Variants in ZNF536 observed in about 807,000 individuals in gnomAD.
The protein encoded by ZNF536 is zinc finger protein 536.
In ZNF536, 13 loss-of-function variants were observed where a neutral mutation model predicts 84.5. The ratio of observed to expected loss-of-function variants is 0.15; its 90% CI spans 0.10 to 0.24. The LOEUF (loss-of-function observed/expected upper bound fraction) is 0.24. Ranked by LOEUF, ZNF536 falls within the 10% of genes least tolerant of loss-of-function variation. The pLI, the probability that ZNF536 is intolerant of heterozygous loss-of-function variation, is 1.00. For synonymous variants in ZNF536, 811 were observed against 742.5 expected (o/e 1.09, Z -1.50); for missense variants, 1,536 against 1,747.5 (o/e 0.88, Z 2.16).
At chr19:30,696,520 G>T (rs1389673860) in intron 1 of ZNF536, among the ~76,000 whole-genome samples, 2 of 152,206 alleles carry the variant, frequency 1.3e-5, no homozygotes, top group African/African-American at 4.8e-5. Context: ...ATGATTTAAG[G>T]TCCCCGATCA....
In ZNF536 at chr19:30,295,117, G is replaced by A. The variant is rs147088013; in HGVS notation, c.-120+10976G>A. 6.6e-5 allele frequency among the ~76,000 whole-genome samples: 10 copies of A among 152,282 alleles called. No individual in the cohort carries two copies. In the East Asian group the frequency reaches 1.9e-3, roughly 29 times the overall value. On this transcript the variant is annotated intron_variant, in intron 2 of 5. Coordinates refer to the ZNF536 transcript ENST00000585628. ...TGCAGATTCTGATTCAGCACATCTA[G>A]GGGAATGAGATTCTGCATACTTAAC...
chr19:30,548,478 T>C lies in ZNF536; in HGVS notation c.2859T>C (p.Asp953=). The C allele has an allele frequency of 6.2e-7, 1 of 1,614,102 alleles. No homozygotes were observed. Among genetic ancestry groups the C allele is most frequent in the Non-Finnish European group, 8.5e-7 (1 of 1,180,014 alleles). ...DPPSMKVHGV[D]GGEEKPSGKS... is the part of the protein sequence containing the mutation. ...CTTCCATGAAAGTCCACGGAGTGGA[T>C]GGTGGTGAGGAGAAACCCAGTGGCA... is the stretch of plus-strand genomic sequence containing the variant. Residue 953 remains aspartate (D), a synonymous_variant, in exon 4 of 5, where the codon GAT becomes GAC. Transcript: ENST00000355537.
intron 2 of ZNF536, among the ~76,000 whole-genome samples, chr19:30,522,114 G>T (rs1304861198): frequency 1.3e-5 from 2 of 151,422 alleles, no homozygotes; most frequent in Non-Finnish European, 2.9e-5. Flanking sequence ...AATGGACAGT[G>T]GAGTGGCCTC....
intron 1 of ZNF536, among the ~76,000 whole-genome samples, chr19:30,413,187 G>A (rs1326277705): frequency 1.3e-5 from 2 of 151,924 alleles, no homozygotes; most frequent in African/African-American, 2.4e-5. Flanking sequence ...GAGCCTTTTG[G>A]GGGAAAGGGT....
At chr19:30,671,062 C>G (rs1000268719) in intron 1 of ZNF536, among the ~76,000 whole-genome samples, 1 of 152,168 alleles carries the variant, frequency 6.6e-6, no homozygotes, top group African/African-American at 2.4e-5. Flanking sequence ...ACTCAATGCA[C>G]GCACGTGCTT....
intron 1 of ZNF536, among the ~76,000 whole-genome samples, chr19:30,621,073 C>T (rs1265687373): frequency 7.9e-5 from 12 of 151,978 alleles, no homozygotes; most frequent in African/African-American, 1.9e-4. Context: ...TAGTCTTCTG[C>T]GGTGACATTT....
intron 1 of ZNF536, among the ~76,000 whole-genome samples, chr19:30,440,929 AGATAGATAGATT>A (rs769718656): frequency 1.7e-5 from 2 of 118,618 alleles, no homozygotes; most frequent in African/African-American, 6.8e-5. Flanking sequence ...ATAGATAGAT[AGATAGATAGATT>A]TGAAAAAAAT....
intron 1 of ZNF536, among the ~76,000 whole-genome samples, chr19:30,697,082 A>C (rs1055911246): frequency 6.6e-6 from 1 of 152,158 alleles, no homozygotes; most frequent in African/African-American, 2.4e-5. Flanking sequence ...GGAAACTTAC[A>C]GTCATGGCGT....
At chr19:30,589,153 C>G (rs961798227) in intron 1 of ZNF536, among the ~76,000 whole-genome samples, 5 of 152,182 alleles carry the variant, frequency 3.3e-5, no homozygotes, top group Non-Finnish European at 7.4e-5. Flanking sequence ...AACCCTAGGG[C>G]CATGCTTGGG....
At chr19:30,249,393 G>C (rs1293036117) in intron 1 of ZNF536, among the ~76,000 whole-genome samples, 1 of 151,796 alleles carries the variant, frequency 6.6e-6, no homozygotes, top group Admixed American at 6.6e-5. Flanking sequence ...AGGAGGAGGA[G>C]GATATTTTAA....
chr19:30,591,161 A>T (rs889850123), intron 1 of ZNF536, among the ~76,000 whole-genome samples: 1 of 152,220 alleles, frequency 6.6e-6, no homozygotes, highest in Non-Finnish European at 1.5e-5. Context: ...TAGCAGAGGA[A>T]AAGTGGCCAT....
In ZNF536 at chr19:30,549,435, T is replaced by C. The variant is rs371341087; in HGVS notation, c.3816T>C (p.Ser1272=). The part of the protein sequence containing the change: ...MNMLSVLRAY[S]SDGLAAFNGL... ...TGCTGTCGGTCCTCAGGGCCTACAG[T>C]TCTGATGGCTTAGCAGCCTTTAACG... Residue 1272 remains serine (S), a synonymous_variant, in exon 4 of 5, where the codon AGT becomes AGC. Coordinates refer to ENST00000355537, the MANE Select transcript of ZNF536 (RefSeq NM_014717.3). 1 of 1,556,180 alleles carries C rather than the reference T, an allele frequency of 6.4e-7. No individual in the cohort carries two copies. Among genetic ancestry groups the C allele is most frequent in the African/African-American group, 1.4e-5 (1 of 72,946 alleles).
chr19:30,665,763 A>G (rs1050115552), intron 1 of ZNF536: 3 of 152,386 alleles, frequency 2.0e-5, no homozygotes, highest in African/African-American at 7.2e-5. Context: ...AAGTGCTCCT[A>G]GAAAACAGGT....
chr19:30,332,721 A>G (rs1426634228), intron 2 of ZNF536, among the ~76,000 whole-genome samples: 1 of 152,160 alleles, frequency 6.6e-6, no homozygotes, highest in African/African-American at 2.4e-5. Flanking sequence ...GAAAGGGCCA[A>G]ACCTACCTTG....
At chr19:30,617,019 T>C (rs1288467165) in intron 1 of ZNF536, among the ~76,000 whole-genome samples, 2 of 152,172 alleles carry the variant, frequency 1.3e-5, no homozygotes, top group Non-Finnish European at 2.9e-5. Context: ...TTTCGTGAAT[T>C]TGGGCTTCAC....
chr19:30,446,271 A>AG (rs1454420841), intron 2 of ZNF536, among the ~76,000 whole-genome samples: 10 of 147,158 alleles, frequency 6.8e-5, no homozygotes, highest in Admixed American at 2.0e-4. Flanking sequence ...AAAAAAAAAA[A>AG]AAAGAAAGAA....
In ZNF536 at chr19:30,444,496, G is replaced by T; in HGVS notation, c.934G>T (p.Glu312Ter). The T allele has an allele frequency of 6.2e-7, 1 of 1,611,862 alleles. No individual in the cohort carries two copies. The highest frequency in any genetic ancestry group is 1.6e-4 in the Middle Eastern group (1 of 6,062). Residue 312 changes from glutamate (E) to a stop codon, truncating the protein, a stop_gained, in exon 2 of 5, where the codon GAG (glutamate) becomes TAG (stop). Coordinates refer to ENST00000355537, the MANE Select transcript of ZNF536 (RefSeq NM_014717.3). LOFTEE classifies it high-confidence loss of function. ...CTLCDFAASQ[E>*]EELISHVEKA... The stretch of plus-strand genomic sequence containing the variant: ...GTTGTGCGACTTCGCGGCTTCGCAG[G>T]AGGAGGAGCTCATCAGCCACGTGGA...
chr19:30,541,939 T>C (rs554571196), intron 3 of ZNF536, among the ~76,000 whole-genome samples: 231 of 152,288 alleles, frequency 1.5e-3, no homozygotes, highest in Admixed American at 1.9e-3. Flanking sequence ...TTTATATTAA[T>C]GTACTGAAGC....
At chr19:30,254,716 A>C (rs1015307091) in intron 1 of ZNF536, among the ~76,000 whole-genome samples, 3 of 152,142 alleles carry the variant, frequency 2.0e-5, no homozygotes, top group Non-Finnish European at 4.4e-5. Context: ...GAAGTAGCAA[A>C]GTGCTTTTGT....
Sources: gnomAD v4.1 joint callset for allele counts (sites outside exome capture counted in the v4.1 genomes callset) on GRCh38, gnomAD v4.1.1 for gene constraint, MANE v1.5 for transcripts, NCBI Gene and HGNC (gene_info 2026-07-23, HGNC 2026-07-21) for gene names.